Variants in BBS9 observed in about 807,000 individuals in gnomAD.
BBS9 encodes the protein Bardet-Biedl syndrome 9.
BBS9 carries 89 observed loss-of-function variants against 117.7 expected under a neutral mutation model. The ratio of observed to expected loss-of-function variants is 0.76; its 90% CI spans 0.64 to 0.90. BBS9 has a LOEUF of 0.90. Ranked by LOEUF, BBS9 falls within the 40% of genes least tolerant of loss-of-function variation. The probability of loss-of-function intolerance (pLI) is 0.00; values close to 1 mark genes in which losing one functional copy is unlikely to be tolerated. For synonymous variants in BBS9, 379 were observed against 370.9 expected (o/e 1.02, Z -0.25); for missense variants, 982 against 1,042.2 (o/e 0.94, Z 0.80).
chr7:33,451,762 T>C (rs1049998984), intron 19 of BBS9, among the ~76,000 whole-genome samples: 2 of 152,224 alleles, frequency 1.3e-5, no homozygotes, highest in African/African-American at 4.8e-5. Context: ...TTAGTAACTC[T>C]GAGATTGCTT....
chr7:33,482,810 C>T (rs1477308499), intron 19 of BBS9, among the ~76,000 whole-genome samples: 3 of 152,064 alleles, frequency 2.0e-5, no homozygotes, highest in Non-Finnish European at 4.4e-5. Context: ...TTGTTCTGGC[C>T]ATTCATACCT....
At chr7:33,429,283 TAA>T (rs1167281294) in intron 19 of BBS9, among the ~76,000 whole-genome samples, 5 of 142,662 alleles carry the variant, frequency 3.5e-5, no homozygotes, top group Admixed American at 1.4e-4. Flanking sequence ...TGCCTTGAAA[TAA>T]AAAAAAAAAA....
downstream of BBS9, among the ~76,000 whole-genome samples, chr7:33,606,336 T>G (rs1864563297): frequency 6.6e-6 from 1 of 152,196 alleles, no homozygotes; most frequent in African/African-American, 2.4e-5. Context: ...ATAGAGATGG[T>G]TCTGAAAGAG....
intron 5 of BBS9, among the ~76,000 whole-genome samples, chr7:33,252,377 T>C (rs1796349808): frequency 6.6e-6 from 1 of 152,206 alleles, no homozygotes; most frequent in Non-Finnish European, 1.5e-5. Context: ...CAAGCTTTCT[T>C]CAGGCCTTAC....
At chr7:33,296,086 T>C (rs919134207) in intron 9 of BBS9, among the ~76,000 whole-genome samples, 3 of 152,086 alleles carry the variant, frequency 2.0e-5, no homozygotes, top group Non-Finnish European at 4.4e-5. Flanking sequence ...TACGTTGAAA[T>C]ACATTTTAAT....
intron 21 of BBS9, among the ~76,000 whole-genome samples, chr7:33,631,003 C>A (rs1411312258): frequency 6.6e-6 from 1 of 152,098 alleles, no homozygotes; most frequent in Non-Finnish European, 1.5e-5. Flanking sequence ...TACAAAATGA[C>A]CATTCTGAGG....
intron 6 of BBS9, among the ~76,000 whole-genome samples, chr7:33,263,154 A>G (rs1194276957): frequency 6.6e-6 from 1 of 152,170 alleles, no homozygotes; most frequent in East Asian, 1.9e-4. Context: ...ATCACCTTCT[A>G]TGTCTTGGAA....
upstream of BBS9, chr7:33,129,477 T>TAA (rs1213857866): frequency 5.0e-6 from 1 of 200,652 alleles, no homozygotes; most frequent in Non-Finnish European, 1.0e-5. Flanking sequence ...GTCCCCGCCT[T>TAA]TGCGCCTCAG....
intron 19 of BBS9, among the ~76,000 whole-genome samples, chr7:33,406,389 A>G (rs1829996409): frequency 6.6e-6 from 1 of 151,842 alleles, no homozygotes. Context: ...TCTTTATCCA[A>G]TTTGCTAGTC....
intron 4 of BBS9, among the ~76,000 whole-genome samples, chr7:33,157,010 A>G (rs1794189319): frequency 6.6e-6 from 1 of 152,140 alleles, no homozygotes; most frequent in African/African-American, 2.4e-5. Context: ...GGGTTACACA[A>G]GCCATGGAGG....
chr7:33,432,978 A>G (rs1252478014), intron 19 of BBS9, among the ~76,000 whole-genome samples: 1 of 152,140 alleles, frequency 6.6e-6, no homozygotes, highest in African/African-American at 2.4e-5. Context: ...CATATATGTG[A>G]CTAAGAGAGG....
intron 21 of BBS9, among the ~76,000 whole-genome samples, chr7:33,591,865 G>A (rs547580351): frequency 7.6e-4 from 112 of 146,676 alleles, no homozygotes; most frequent in Admixed American, 4.6e-3. Context: ...GGCCGTCGTC[G>A]CCATCATCAT....
At chr7:33,352,827 C>G in intron 14 of BBS9, 32 bp from the exon 15 acceptor site, 1 of 1,609,708 alleles carries the variant, frequency 6.2e-7, no homozygotes, top group Non-Finnish European at 8.5e-7. Flanking sequence ...TCTTTTCCCC[C>G]TACCCATTTT....
At chr7:33,137,014 AT>A (rs1238154890) in intron 1 of BBS9, among the ~76,000 whole-genome samples, 4 of 151,908 alleles carry the variant, frequency 2.6e-5, no homozygotes, top group African/African-American at 4.8e-5. Context: ...ATCTATTTAG[AT>A]TTTTTATTTC....
chr7:33,290,349 T>C (rs1286161617), intron 9 of BBS9, among the ~76,000 whole-genome samples: 1 of 152,164 alleles, frequency 6.6e-6, no homozygotes, highest in Non-Finnish European at 1.5e-5. Context: ...ATATCCAGAG[T>C]ACTTAAAATT....
intron 21 of BBS9, among the ~76,000 whole-genome samples, chr7:33,577,138 T>G (rs1348959098): frequency 1.3e-5 from 2 of 152,014 alleles, no homozygotes; most frequent in African/African-American, 4.8e-5. Flanking sequence ...GGGAGAAAAT[T>G]TTTGCAATTT....
Position 33,533,240 on chromosome 7 carries a change from C to T in BBS9, c.2299-714C>T, listed in dbSNP as rs139402502. On this transcript the variant is annotated intron_variant, in intron 20 of 22. Transcript: ENST00000242067. ...TGCTGAGGTCCCTGCCTTGTGCTGA[C>T]GTTCCTGAATTGCAGCTGTCACTGC... Among the ~76,000 whole-genome samples the T allele has an allele frequency of 2.8e-4, 42 of 152,310 alleles. No homozygotes were observed. In the East Asian group the frequency reaches 7.1e-3, roughly 26 times the overall value.
chr7:33,487,603 G>T (rs1472466360), intron 19 of BBS9, among the ~76,000 whole-genome samples: 1 of 152,210 alleles, frequency 6.6e-6, no homozygotes, highest in Non-Finnish European at 1.5e-5. Context: ...TGTGTTCTTT[G>T]CATGATATCA....
chr7:33,393,664 A>G (rs554770828), intron 19 of BBS9, among the ~76,000 whole-genome samples: 42 of 152,152 alleles, frequency 2.8e-4, no homozygotes, highest in Non-Finnish European at 4.1e-4. Flanking sequence ...ACAGGATGCA[A>G]TGGACATCAG....
Sources: gnomAD v4.1 joint callset for allele counts (sites outside exome capture counted in the v4.1 genomes callset) on GRCh38, gnomAD v4.1.1 for gene constraint, MANE v1.5 for transcripts, NCBI Gene and HGNC (gene_info 2026-07-23, HGNC 2026-07-21) for gene names.